Variants in C8orf58 observed in about 807,000 individuals in gnomAD.
The protein encoded by C8orf58 is chromosome 8 open reading frame 58.
C8orf58 carries 31 observed loss-of-function variants against 36.8 expected under a neutral mutation model. That is an observed-to-expected ratio of 0.84 (90% CI 0.63 to 1.14). The LOEUF is 1.14. C8orf58 is among the 50% of genes most tolerant of loss of function. C8orf58 has a pLI of 0.00. For synonymous variants in C8orf58, 230 were observed against 200.2 expected (o/e 1.15, Z -1.26); for missense variants, 538 against 480.8 (o/e 1.12, Z -1.11).
Position 22,603,563 on chromosome 8 carries a change from C to G in C8orf58, c.*257C>G. 1 of 542,474 alleles carries G rather than the reference C, an allele frequency of 1.8e-6. No individual in the cohort carries two copies. Among genetic ancestry groups the G allele is most frequent in the Non-Finnish European group, 3.3e-6 (1 of 300,330 alleles). 33.6% of individuals were successfully genotyped at this position (542,474 alleles called of 1,614,324 possible). On this transcript the variant is annotated 3_prime_UTR_variant, in exon 7 of 7. Transcript: ENST00000289989. ...AATCCCTGGGCTTCCACAATGTGAA[C>G]TCACTCATTGTCAGGTGTCCGTGGA...
In C8orf58 at chr8:22,600,902, G is replaced by A. The variant is rs764750697; in HGVS notation, c.61G>A (p.Ala21Thr). ...TGCAGATGGGGCTGGCGAGGGCCTG[G>A]CACGGGGCTGCATAGTGCCTGGAGT... ...DGRDGAGEGL[A>T]RGCIVPGVTS... Residue 21 changes from alanine to threonine, a missense_variant, in exon 2 of 7, where the codon GCA (alanine) becomes ACA (threonine). Transcript: ENST00000289989. The A allele has an allele frequency of 2.2e-5, 36 of 1,608,378 alleles. No individual in the cohort carries two copies. Among genetic ancestry groups the A allele is most frequent in the Admixed American group, 8.4e-5 (5 of 59,576 alleles).
In C8orf58 at chr8:22,602,646, G is replaced by A. The variant is rs1304137654; in HGVS notation, c.986+3G>A. On this transcript the variant is annotated splice_donor_region_variant and intron_variant, in intron 6 of 6. Transcript: ENST00000289989. The stretch of plus-strand genomic sequence containing the variant: ...CCTCCTGATGGCTCTGACCCCAGGT[G>A]AGCCCCGTGCCCAGCCCAGGTTAGG... 2.0e-6 allele frequency: 3 copies of A among 1,529,768 alleles called. No individual in the cohort carries two copies. The highest frequency in any genetic ancestry group is 4.5e-5 in the East Asian group (2 of 44,120). 94.8% of individuals were successfully genotyped at this position (1,529,768 alleles called of 1,614,324 possible).
chr8:22,602,022 C>A lies in C8orf58; in HGVS notation c.708C>A (p.His236Gln). Reference sequence around the variant, plus strand: ...GAGCCCCTTTACCGTCCCCGTTACACACCCCAGGCAATCGGGGGCAGGGGC... The same window carrying A: ...GAGCCCCTTTACCGTCCCCGTTACAAACCCCAGGCAATCGGGGGCAGGGGC... ...STRAPLPSPL[H>Q]TPGNRGQGPW... The change falls in exon 4 of 7, where the codon CAC (histidine) becomes CAA (glutamine). Residue 236 changes from histidine (H) to glutamine (Q), a missense_variant. His to Gln is a conservative substitution (Grantham distance 24, BLOSUM62 0). Transcript: ENST00000289989. 1.3e-6 allele frequency: 2 copies of A among 1,578,602 alleles called. No individual in the cohort carries two copies. The highest frequency in any genetic ancestry group is 1.1e-5 in the South Asian group (1 of 87,178).
chr8:22,602,368 T>TGGGG, intron 5 of C8orf58, 56 bp downstream of exon 5: 1 of 328,354 alleles, frequency 3.0e-6, no homozygotes, highest in Non-Finnish European at 5.9e-6. Flanking sequence ...GGAGGGGAGG[T>TGGGG]GGGGGATGCA....
rs766292994 is a variant in C8orf58, at chr8:22,602,420, T to C, written c.879+108T>C. On this transcript the variant is annotated intron_variant, in intron 5 of 6. Transcript: ENST00000289989. ...CAGCAACTCTGGGGAAATGACAGGA[T>C]TGATTCCTGTTTGGAGCAGGCGACT... 3.8e-6 allele frequency: 5 copies of C among 1,298,972 alleles called. No individual in the cohort carries two copies. The African/African-American group carries it at 7.3e-5, about 19-fold the overall frequency. The allele number at this position is 1,298,972 out of a possible 1,614,324, so 80.5% of individuals were successfully genotyped here. A position where few individuals can be genotyped will look rare whatever the true frequency, so the allele number is the denominator to read the frequency against.
chr8:22,603,119 C>A, intron 6 of C8orf58, 76 bp from the exon 7 acceptor site: 1 of 1,145,548 alleles, frequency 8.7e-7, no homozygotes, highest in Non-Finnish European at 1.3e-6. Flanking sequence ...GCAGATAAAC[C>A]ACGTTCTCTC....
chr8:22,599,792 C>T (rs1256473076), intron 1 of C8orf58, 32 bp downstream of exon 1: 38 of 1,119,478 alleles, frequency 3.4e-5, no homozygotes, highest in African/African-American at 9.7e-5. Flanking sequence ...TGGCCGGGCT[C>T]CCCCCTGCCC....
chr8:22,602,437 C>T (rs781103174), intron 5 of C8orf58, 100 bp from the exon 6 acceptor site: 4 of 1,326,156 alleles, frequency 3.0e-6, no homozygotes, highest in Non-Finnish European at 4.3e-6. Flanking sequence ...CTGTTTGGAG[C>T]AGGCGACTTG....
In C8orf58 at chr8:22,599,625, T is replaced by G. The variant is rs1586936610; in HGVS notation, c.-96T>G. On this transcript the variant is annotated 5_prime_UTR_variant, in exon 1 of 7. Coordinates refer to ENST00000289989, the MANE Select transcript of C8orf58 (RefSeq NM_001013842.3). ...TGTCTGGGGGCCGCGCCCAGCTGGG[T>G]CGGGACGCGCTCCCTGAGCTGCCCG... The G allele has an allele frequency of 4.8e-6, 2 of 412,466 alleles. No individual in the cohort carries two copies. The highest frequency in any genetic ancestry group is 6.2e-6 in the Non-Finnish European group (2 of 320,470). 25.6% of individuals were successfully genotyped at this position (412,466 alleles called of 1,614,324 possible). A position where few individuals can be genotyped will look rare whatever the true frequency, so the allele number is the denominator to read the frequency against.
At chr8:22,599,914 A>AG (rs1377103711) in intron 1 of C8orf58, 154 bp downstream of exon 1, 9 of 380,750 alleles carry the variant, frequency 2.4e-5, no homozygotes, top group Non-Finnish European at 4.1e-5. Flanking sequence ...GCCTCCCTGG[A>AG]GGGGCGGTCA....
rs374489125 is a variant in C8orf58, at chr8:22,601,775, C to T, written c.580C>T (p.His194Tyr). The T allele has an allele frequency of 1.0e-4, 164 of 1,612,508 alleles. No homozygotes were observed. The highest frequency in any genetic ancestry group is 1.2e-4 in the Non-Finnish European group (144 of 1,179,828). Residue 194 changes from histidine (H) to tyrosine (Y), a missense_variant, in exon 3 of 7, where the codon CAC (histidine) becomes TAC (tyrosine). By Grantham distance (83) the His-to-Tyr change is moderately conservative. Transcript: ENST00000289989. ...LPGQGLRYLEHLCLVLEQMAR... is the reference protein window; with the variant it reads ...LPGQGLRYLEYLCLVLEQMAR... The stretch of plus-strand genomic sequence containing the variant: ...CGGGCAGGGTCTTCGCTATCTGGAA[C>T]ACCTGTGCCTGGTGCTGGAGCAGAT...
At chr8:22,602,440 G>T in intron 5 of C8orf58, 97 bp from the exon 6 acceptor site, 1 of 1,344,572 alleles carries the variant, frequency 7.4e-7, no homozygotes, top group Non-Finnish European at 1.0e-6. Flanking sequence ...TTTGGAGCAG[G>T]CGACTTGTCC....
intron 1 of C8orf58, chr8:22,600,059 C>G (rs1280615590): frequency 3.6e-6 from 1 of 277,452 alleles, no homozygotes; most frequent in Non-Finnish European, 6.7e-6. Flanking sequence ...CGCCCGCGCC[C>G]CAGCCCCCTC....
intron 2 of C8orf58, 114 bp from the exon 3 acceptor site, chr8:22,601,598 T>C (rs1800859322): frequency 7.6e-7 from 1 of 1,307,902 alleles, no homozygotes; most frequent in Non-Finnish European, 1.1e-6. Context: ...GCTGCGTGTG[T>C]TCCTCCTCGG....
At position 22,599,659 on chromosome 8, in the gene C8orf58, G is replaced by A. The variant is rs924319123; in HGVS notation, c.-62G>A. 84 of 956,988 alleles carry A rather than the reference G, an allele frequency of 8.8e-5. No individual in the cohort carries two copies. The African/African-American group carries it at 1.4e-3, about 16-fold the overall frequency. The allele number at this position is 956,988 out of a possible 1,614,324, so 59.3% of individuals were successfully genotyped here. A position where few individuals can be genotyped will look rare whatever the true frequency, so the allele number is the denominator to read the frequency against. On this transcript the variant is annotated 5_prime_UTR_variant, in exon 1 of 7. Transcript: ENST00000289989. ...GCTCCCTGAGCTGCCCGAGCTCCGC[G>A]GGGACTCGGGCCGGGATCCTCGGGC...
intron 1 of C8orf58, 187 bp downstream of exon 1, chr8:22,599,947 G>C (rs1048171784): frequency 1.9e-5 from 7 of 368,370 alleles, no homozygotes; most frequent in Admixed American, 9.3e-5. Context: ...ATGCAGGCTG[G>C]AACCCCTTTG....
intron 1 of C8orf58, 49 bp from the exon 2 acceptor site, chr8:22,600,832 TG>T: frequency 6.9e-7 from 1 of 1,446,860 alleles, no homozygotes; most frequent in Non-Finnish European, 9.4e-7. Flanking sequence ...TCAGGAATGC[TG>T]GGGGTGTTGG....
intron 1 of C8orf58, chr8:22,600,550 C>T (rs868791620): frequency 1.8e-5 from 6 of 329,910 alleles, no homozygotes; most frequent in Non-Finnish European, 3.4e-5. Flanking sequence ...GCCTGTGGCT[C>T]CCTACTTCTG....
At chr8:22,600,294 C>T (rs1800810498) in intron 1 of C8orf58, 1 of 155,300 alleles carries the variant, frequency 6.4e-6, no homozygotes, top group South Asian at 2.0e-4. Flanking sequence ...TCTTTCACTT[C>T]AGTTCTTTCA....
Sources: gnomAD v4.1 joint callset for allele counts on GRCh38, gnomAD v4.1.1 for gene constraint, MANE v1.5 for transcripts, NCBI Gene and HGNC (gene_info 2026-07-23, HGNC 2026-07-21) for gene names.